The following ANKS1A variants were observed in gnomAD, a reference collection of about 807,000 sequenced individuals.
ANKS1A encodes the protein ankyrin repeat and sterile alpha motif domain containing 1A.
A neutral mutation model predicts 120.3 loss-of-function variants in ANKS1A; 55 were observed. That is an observed-to-expected ratio of 0.46 (90% CI 0.37 to 0.57). ANKS1A has a LOEUF of 0.57. Among genes scored for constraint, ANKS1A ranks in the 20% least tolerant of loss-of-function variants. The pLI is 0.00. For synonymous variants in ANKS1A, 590 were observed against 604.7 expected (o/e 0.98, Z 0.36); for missense variants, 1,123 against 1,480.3 (o/e 0.76, Z 3.96).
chr6:35,023,525 G>A (rs528261359), intron 11 of ANKS1A: 23 of 344,884 alleles, frequency 6.7e-5, no homozygotes, highest in Admixed American at 3.9e-4. Flanking sequence ...GAGTCATGGC[G>A]GGACCAGCAT....
At chr6:34,941,322 T>C (rs1769522689) in intron 1 of ANKS1A, among the ~76,000 whole-genome samples, 1 of 152,176 alleles carries the variant, frequency 6.6e-6, no homozygotes, top group African/African-American at 2.4e-5. Context: ...TTTTTTTCCA[T>C]GCTTATACAA....
intron 3 of ANKS1A, among the ~76,000 whole-genome samples, chr6:34,981,425 A>G (rs1275667098): frequency 6.6e-6 from 1 of 152,178 alleles, no homozygotes; most frequent in Non-Finnish European, 1.5e-5. Flanking sequence ...TACAACCTGG[A>G]GACCCTTCCT....
intron 1 of ANKS1A, among the ~76,000 whole-genome samples, chr6:34,939,101 G>T (rs1290420467): frequency 6.6e-6 from 1 of 152,176 alleles, no homozygotes; most frequent in Non-Finnish European, 1.5e-5. Context: ...AAAAATATTT[G>T]ATTTTAGATT....
In ANKS1A at chr6:35,082,553, C is replaced by A; in HGVS notation, c.2710-138C>A. ...GCAGTGTGTTTGAATTGCTGGTCTG[C>A]CCCCTGCCATCTCCACTCGACCCTT... On this transcript the variant is annotated intron_variant, in intron 17 of 23. Coordinates refer to ENST00000360359, the MANE Select transcript of ANKS1A (RefSeq NM_015245.3). The surrounding 1 kb of genome is among the most constrained non-coding windows in gnomAD (Gnocchi z 4.1). 1.8e-6 allele frequency: 2 copies of A among 1,112,660 alleles called. No homozygotes were observed. The highest frequency in any genetic ancestry group is 1.2e-6 in the Non-Finnish European group (1 of 810,896). The allele number at this position is 1,112,660 out of a possible 1,614,324, so 68.9% of individuals were successfully genotyped here. A position where few individuals can be genotyped will look rare whatever the true frequency, so the allele number is the denominator to read the frequency against.
chr6:34,973,868 TCCCTTC>T (rs1430301648), intron 3 of ANKS1A, among the ~76,000 whole-genome samples: 1 of 86,278 alleles, frequency 1.2e-5, no homozygotes, highest in Non-Finnish European at 2.2e-5. Context: ...GCCCTCCCCT[TCCCTTC>T]CCCTTCCCCT....
intron 11 of ANKS1A, among the ~76,000 whole-genome samples, chr6:35,028,247 G>A (rs1457613771): frequency 6.6e-6 from 1 of 152,198 alleles, no homozygotes; most frequent in East Asian, 1.9e-4. Context: ...TGGTTTTGCA[G>A]CTTGGGCCCT....
chr6:35,066,546 CAG>C (rs1190180025), intron 13 of ANKS1A, among the ~76,000 whole-genome samples: 1 of 151,826 alleles, frequency 6.6e-6, no homozygotes, highest in Non-Finnish European at 1.5e-5. Flanking sequence ...CTTGGGAGAA[CAG>C]GGGTCAGAGT....
intron 16 of ANKS1A, among the ~76,000 whole-genome samples, chr6:35,080,222 C>G (rs938075255): frequency 2.2e-5 from 3 of 133,846 alleles, no homozygotes; most frequent in Admixed American, 7.9e-5. Context: ...TCAGGTAACA[C>G]CTGAGACAAA....
chr6:35,089,527 T>C lies in ANKS1A; in HGVS notation c.*918T>C. 5 of 986,476 alleles carry C rather than the reference T, an allele frequency of 5.1e-6. No homozygotes were observed. The highest frequency in any genetic ancestry group is 4.8e-6 in the Non-Finnish European group (4 of 830,412). The allele number at this position is 986,476 out of a possible 1,614,324, so 61.1% of individuals were successfully genotyped here. Reference sequence around the variant, plus strand: ...AAGGTTGCTACTTGCCAATTTGTGATTTGTCTAATCAGCCTGTGTGATTGG... The same window carrying C: ...AAGGTTGCTACTTGCCAATTTGTGACTTGTCTAATCAGCCTGTGTGATTGG... On this transcript the variant is annotated 3_prime_UTR_variant, in exon 24 of 24. Transcript: ENST00000360359.
chr6:35,080,537 A>C (rs1311294222), intron 16 of ANKS1A, among the ~76,000 whole-genome samples: 1 of 152,162 alleles, frequency 6.6e-6, no homozygotes, highest in East Asian at 1.9e-4. Flanking sequence ...GGCTTCGTGA[A>C]GTGGGTCCTG....
At chr6:35,022,121 A>T (rs947346125) in intron 11 of ANKS1A, among the ~76,000 whole-genome samples, 1 of 152,130 alleles carries the variant, frequency 6.6e-6, no homozygotes, top group Non-Finnish European at 1.5e-5. Flanking sequence ...CACTGCAGGG[A>T]TGGGAGAGCC....
intron 10 of ANKS1A, among the ~76,000 whole-genome samples, chr6:35,006,892 C>T (rs933494343): frequency 3.3e-5 from 5 of 152,106 alleles, no homozygotes; most frequent in African/African-American, 9.7e-5. Context: ...CACCTGTAAT[C>T]CCAGCTCTTA....
At chr6:34,933,574 T>C (rs1435178183) in intron 1 of ANKS1A, among the ~76,000 whole-genome samples, 1 of 152,236 alleles carries the variant, frequency 6.6e-6, no homozygotes, top group Admixed American at 6.5e-5. Flanking sequence ...TTCTCCATGT[T>C]GGTCAGGCTA....
rs180704488 is a variant in ANKS1A at position 35,058,253 on chromosome 6, A to G, written c.2078-1894A>G. 4 of 152,406 alleles carry G rather than the reference A, an allele frequency of 2.6e-5. No homozygotes were observed. Among genetic ancestry groups the G allele is most frequent in the Admixed American group, 2.6e-4 (4 of 15,298 alleles). 9.4% of individuals were successfully genotyped at this position (152,406 alleles called of 1,614,324 possible). Reference sequence around the variant, plus strand: ...GGCAGCGTGGAGCCCAGGAGCCTTTAGACAAAGCATTCTGCTGCGGCTCTG... The same window carrying G: ...GGCAGCGTGGAGCCCAGGAGCCTTTGGACAAAGCATTCTGCTGCGGCTCTG... On this transcript the variant is annotated intron_variant, in intron 12 of 23. Transcript: ENST00000360359. This position sits in a 1 kb window ranked among gnomAD's most constrained non-coding sequence, Gnocchi z 5.1.
chr6:35,035,943 A>C (rs1775146209), intron 11 of ANKS1A, among the ~76,000 whole-genome samples: 1 of 152,168 alleles, frequency 6.6e-6, no homozygotes. Context: ...CATTCAGAGC[A>C]GGAAAGCTGT....
At chr6:35,096,364 G>C (rs758602651), downstream of ANKS1A, among the ~76,000 whole-genome samples, 1 of 152,196 alleles carries the variant, frequency 6.6e-6, no homozygotes, top group Non-Finnish European at 1.5e-5. Context: ...GGCCCTTCTG[G>C]TTTGAGTGCT....
At chr6:34,999,683 G>A (rs1216241342) in intron 10 of ANKS1A, among the ~76,000 whole-genome samples, 2 of 152,116 alleles carry the variant, frequency 1.3e-5, no homozygotes, top group Admixed American at 1.3e-4. Flanking sequence ...TGTTTCAAAG[G>A]TATGGCACAA....
intron 1 of ANKS1A, among the ~76,000 whole-genome samples, chr6:34,937,192 G>A (rs569004088): frequency 3.3e-5 from 5 of 152,148 alleles, no homozygotes; most frequent in South Asian, 4.1e-4. Flanking sequence ...GGATTCTGGT[G>A]GGGCGCAGTG....
At chr6:34,936,415 C>T (rs1197675527) in intron 1 of ANKS1A, among the ~76,000 whole-genome samples, 2 of 152,172 alleles carry the variant, frequency 1.3e-5, no homozygotes, top group Admixed American at 6.5e-5. Context: ...GACTGTCAAG[C>T]GGAAGCTGGT....
Sources: gnomAD v4.1 joint callset for allele counts (sites outside exome capture counted in the v4.1 genomes callset) on GRCh38, gnomAD v4.1.1 for gene constraint, Gnocchi (gnomAD v3.1) non-coding constraint, MANE v1.5 for transcripts, NCBI Gene and HGNC (gene_info 2026-07-23, HGNC 2026-07-21) for gene names.